The following SPSB4 variants were observed in gnomAD, a reference collection of about 807,000 sequenced individuals.
SPSB4 encodes the protein SPRY domain-containing SOCS box protein 4.
Under a neutral mutation model 20.9 loss-of-function variants are expected in SPSB4, and 21 were observed. That is an observed-to-expected ratio of 1.01 (90% CI 0.71 to 1.45). SPSB4 has a LOEUF of 1.45. Ranked by LOEUF, SPSB4 falls within the 40% of genes most tolerant of loss-of-function variation. The pLI, the probability that SPSB4 is intolerant of heterozygous loss-of-function variation, is 0.00. For missense variants in SPSB4, 399 were observed against 399.2 expected (o/e 1.00, Z 0.00); for synonymous variants, 207 against 183.8 (o/e 1.13, Z -1.02).
chr3:141,056,350 C>A (rs1490042883), intron 1 of SPSB4, among the ~76,000 whole-genome samples: 1 of 152,168 alleles, frequency 6.6e-6, no homozygotes, highest in Non-Finnish European at 1.5e-5. Flanking sequence ...ATGAAATGTG[C>A]AAGTTGTACA....
Position 141,112,624 on chromosome 3 carries a change from G to C in SPSB4, c.695-34518G>C, listed in dbSNP as rs559870746. 8.7e-4 allele frequency among the ~76,000 whole-genome samples: 97 copies of C among 111,032 alleles called. 2 individuals are homozygous for C. The South Asian group carries it at 0.026, about 30-fold the overall frequency. 72.8% of individuals were successfully genotyped at this position (111,032 alleles called of 152,430 possible). A position where few individuals can be genotyped will look rare whatever the true frequency, so the allele number is the denominator to read the frequency against. ...CCCGCCACTGCACTCCAGCCTGGGC[G>C]ACAGAGCGAGACTCCGTCTCAAAAA... On this transcript the variant is annotated intron_variant, in intron 2 of 2. Transcript: ENST00000310546.
At chr3:141,064,613 G>T (rs1352047028) in intron 1 of SPSB4, among the ~76,000 whole-genome samples, 2 of 152,116 alleles carry the variant, frequency 1.3e-5, no homozygotes, top group African/African-American at 4.8e-5. Context: ...TTTGGCTAGG[G>T]GTGTACCACT....
chr3:141,106,062 A>G (rs1938683006), intron 2 of SPSB4, among the ~76,000 whole-genome samples: 1 of 152,240 alleles, frequency 6.6e-6, no homozygotes, highest in Non-Finnish European at 1.5e-5. Flanking sequence ...GTGAGAATTC[A>G]GAGGTTCTAG....
chr3:141,067,756 C>T lies in SPSB4; in HGVS notation c.694+958C>T, dbSNP rs563245586. ...CAGCTGAGGGGCCAGGAGCCAGGCA[C>T]TTGTGGGCTTGCACACTCCCCAACA... On this transcript the variant is annotated intron_variant, in intron 2 of 2. Transcript: ENST00000310546. Among the ~76,000 whole-genome samples the T allele has an allele frequency of 2.2e-4, 33 of 152,322 alleles. 1 individual carries two copies. The highest frequency in any genetic ancestry group is 3.2e-4 in the Non-Finnish European group (22 of 68,026).
chr3:141,072,156 A>T (rs537056238), intron 2 of SPSB4, among the ~76,000 whole-genome samples: 2 of 152,274 alleles, frequency 1.3e-5, no homozygotes, highest in South Asian at 4.2e-4. Context: ...CTGGCTCTGC[A>T]TGGGGAGTTT....
At chr3:141,061,738 C>CTTTTT (rs71151410) in intron 1 of SPSB4, among the ~76,000 whole-genome samples, 1 of 94,858 alleles carries the variant, frequency 1.1e-5, no homozygotes, top group Non-Finnish European at 2.3e-5. Flanking sequence ...TTCTTTCTTT[C>CTTTTT]TTTTTTTTTT....
rs1211248134 is a variant in SPSB4, at chr3:141,148,314, G to A, written c.*1045G>A. On this transcript the variant is annotated 3_prime_UTR_variant, in exon 3 of 3. Coordinates refer to ENST00000310546, the MANE Select transcript of SPSB4 (RefSeq NM_080862.3). This position sits in a 1 kb window ranked among gnomAD's most constrained non-coding sequence, Gnocchi z 4.5. ...GTTTATTTATCAGCTTGAGGTCCAT[G>A]GGGGCAGCCTTGTGACTGGAAGGGT... 1.3e-5 allele frequency: 2 copies of A among 152,720 alleles called. No individual in the cohort carries two copies. The highest frequency in any genetic ancestry group is 6.5e-5 in the Admixed American group (1 of 15,286). The allele number at this position is 152,720 out of a possible 1,614,324, so 9.5% of individuals were successfully genotyped here.
At chr3:141,108,350 A>G (rs952899289) in intron 2 of SPSB4, among the ~76,000 whole-genome samples, 10 of 152,226 alleles carry the variant, frequency 6.6e-5, no homozygotes, top group African/African-American at 2.2e-4. Flanking sequence ...TGCTGGGCGC[A>G]TGTACTGAGA....
chr3:141,058,424 C>T (rs530740451), intron 1 of SPSB4, among the ~76,000 whole-genome samples: 76 of 152,246 alleles, frequency 5.0e-4, no homozygotes, highest in Non-Finnish European at 9.0e-4. Context: ...CCAAGCATGA[C>T]GTAGGAAATT....
chr3:141,130,601 T>A (rs1939116820), intron 2 of SPSB4, among the ~76,000 whole-genome samples: 1 of 152,214 alleles, frequency 6.6e-6, no homozygotes, highest in South Asian at 2.1e-4. Context: ...TGATCTTTTT[T>A]CAAAATATAA....
At chr3:141,139,237 G>A (rs1447437652) in intron 2 of SPSB4, among the ~76,000 whole-genome samples, 11 of 152,104 alleles carry the variant, frequency 7.2e-5, no homozygotes, top group East Asian at 3.9e-4. Context: ...GTCTCTGCAC[G>A]TGAGATGGGT....
intron 2 of SPSB4, among the ~76,000 whole-genome samples, chr3:141,082,770 C>T (rs898677740): frequency 6.6e-6 from 1 of 152,218 alleles, no homozygotes; most frequent in Non-Finnish European, 1.5e-5. Context: ...AGGGCCAGAA[C>T]TAGAATTTGG....
At chr3:141,064,132 C>T (rs1937818751) in intron 1 of SPSB4, among the ~76,000 whole-genome samples, 1 of 152,260 alleles carries the variant, frequency 6.6e-6, no homozygotes, top group South Asian at 2.1e-4. Context: ...GGAATGCCAG[C>T]TCCTGGCTGG....
intron 2 of SPSB4, among the ~76,000 whole-genome samples, chr3:141,136,281 C>T (rs911264067): frequency 6.6e-6 from 1 of 152,132 alleles, no homozygotes; most frequent in Non-Finnish European, 1.5e-5. Flanking sequence ...TTCTCCCATT[C>T]TGTAGGTTGC....
At chr3:141,146,195 C>G (rs1463618688) in intron 2 of SPSB4, among the ~76,000 whole-genome samples, 1 of 151,866 alleles carries the variant, frequency 6.6e-6, no homozygotes, top group African/African-American at 2.4e-5. Flanking sequence ...ATAAGGGGGT[C>G]TGCAATAAAC....
intron 2 of SPSB4, among the ~76,000 whole-genome samples, chr3:141,073,845 C>A (rs1387756497): frequency 6.6e-6 from 1 of 152,150 alleles, no homozygotes; most frequent in Non-Finnish European, 1.5e-5. Flanking sequence ...TCCCTGCACA[C>A]AGGCCAAGCA....
chr3:141,054,940 G>C (rs1937612868), intron 1 of SPSB4, among the ~76,000 whole-genome samples: 1 of 149,566 alleles, frequency 6.7e-6, no homozygotes, highest in Non-Finnish European at 1.5e-5. Flanking sequence ...ACTCCAGCCT[G>C]GGCAACAGAG....
intron 2 of SPSB4, among the ~76,000 whole-genome samples, chr3:141,105,557 G>A (rs79504218): frequency 2.0e-5 from 3 of 152,170 alleles, no homozygotes; most frequent in East Asian, 1.9e-4. Flanking sequence ...CCTGTCTGGC[G>A]TAGTATTGAA....
intron 2 of SPSB4, among the ~76,000 whole-genome samples, chr3:141,095,249 C>T (rs764863230): frequency 6.6e-6 from 1 of 152,080 alleles, no homozygotes; most frequent in African/African-American, 2.4e-5. Context: ...GCCGAGACTG[C>T]GGAGAGCATG....
Sources: allele counts gnomAD v4.1 joint callset (sites outside exome capture counted in the v4.1 genomes callset), GRCh38; gene constraint gnomAD v4.1.1; non-coding constraint Gnocchi (gnomAD v3.1); transcripts MANE v1.5; gene names NCBI Gene and HGNC (gene_info 2026-07-23, HGNC 2026-07-21).